PTBP3: variants seen among roughly 807,000 people sequenced by gnomAD.
The protein encoded by PTBP3 is polypyrimidine tract binding protein 3, also known as polypyrimidine tract-binding protein 3.
PTBP3 carries 20 observed loss-of-function variants against 58.7 expected under a neutral mutation model. That is an observed-to-expected ratio of 0.34 (90% CI 0.24 to 0.50). The LOEUF is 0.50. PTBP3 is among the 20% of genes least tolerant of loss of function. The pLI, the probability that PTBP3 is intolerant of heterozygous loss-of-function variation, is 0.98. For missense variants in PTBP3, 509 were observed against 637.2 expected, an observed-to-expected ratio of 0.80 and a Z score of 2.17; for synonymous variants, 185 against 219.8, an observed-to-expected ratio of 0.84 and a Z score of 1.40.
intron 7 of PTBP3, among the ~76,000 whole-genome samples, chr9:112,244,208 T>C (rs762241122): frequency 2.8e-5 from 4 of 140,372 alleles, no homozygotes; most frequent in Non-Finnish European, 6.0e-5. Context: ...GAGAATTGCT[T>C]GGACCTGGGA....
rs1045889308 is a variant in PTBP3 at position 112,252,845 on chromosome 9, C to G, written c.517-57G>C. On this transcript the variant is annotated intron_variant, in intron 5 of 13. Transcript: ENST00000374257. Reference sequence around the variant, plus strand: ...AAAGAAAAGTATTAAACTGATGTATCTTTATAAATACAACTTGTTCATAAA... The same window carrying G: ...AAAGAAAAGTATTAAACTGATGTATGTTTATAAATACAACTTGTTCATAAA... 5 of 971,644 alleles carry G rather than the reference C, an allele frequency of 5.1e-6. No individual in the cohort carries two copies. The African/African-American group carries it at 8.3e-5, about 16-fold the overall frequency. 60.2% of individuals were successfully genotyped at this position (971,644 alleles called of 1,614,324 possible).
In PTBP3 at chr9:112,250,975, A is replaced by T; in HGVS notation, c.756T>A (p.Thr252=). The change falls in exon 7 of 14, where the codon ACT becomes ACA. Residue 252 remains threonine (T), a synonymous_variant. Transcript: ENST00000374257. The stretch of plus-strand genomic sequence containing the variant: ...GTTCAAGGGATGGCTGGCCATCACC[A>T]GTAGGAAGGTCTAAGCGAGTGAAGT... ...SRDFTRLDLP[T]GDGQPSLEPP... 6.2e-7 allele frequency: 1 copy of T among 1,610,698 alleles called. No homozygotes were observed.
At chr9:112,242,068 A>G (rs1374288324) in intron 7 of PTBP3, among the ~76,000 whole-genome samples, 1 of 152,200 alleles carries the variant, frequency 6.6e-6, no homozygotes, top group Non-Finnish European at 1.5e-5. Context: ...ATTATAAATA[A>G]AACTGCTATG....
chr9:112,298,445 T>C (rs147751329), intron 1 of PTBP3: 2 of 377,484 alleles, frequency 5.3e-6, no homozygotes, highest in Admixed American at 7.1e-5. Context: ...TTACTCTTTT[T>C]TTCAGGTAAG....
chr9:112,372,883 T>G, the PTBP3 span, among the ~76,000 whole-genome samples: 1 of 152,012 alleles, frequency 6.6e-6, no homozygotes, highest in Non-Finnish European at 1.5e-5. Flanking sequence ...CGTACTTCCT[T>G]GAATTCATAG....
At chr9:112,304,650 T>G (rs1239695058) in intron 1 of PTBP3, among the ~76,000 whole-genome samples, 1 of 152,212 alleles carries the variant, frequency 6.6e-6, no homozygotes, top group African/African-American at 2.4e-5. Context: ...CACTGTAGCC[T>G]CAACCTTCCA....
At chr9:112,262,693 A>T in intron 4 of PTBP3, 94 bp from the exon 5 acceptor site, 1 of 1,143,680 alleles carries the variant, frequency 8.7e-7, no homozygotes, top group Non-Finnish European at 1.1e-6. Context: ...GAAGCAATGT[A>T]GTTAAGTAAA....
chr9:112,345,421 G>T, the PTBP3 span, among the ~76,000 whole-genome samples: 1 of 146,738 alleles, frequency 6.8e-6, no homozygotes, highest in East Asian at 2.0e-4. Context: ...TGTCACCCAG[G>T]CTGGAGTGCA....
the PTBP3 span, among the ~76,000 whole-genome samples, chr9:112,361,520 C>T: frequency 6.7e-6 from 1 of 149,262 alleles, no homozygotes; most frequent in African/African-American, 2.5e-5. Context: ...TTTAATGATT[C>T]AAAGCATTAT....
chr9:112,372,334 C>T, the PTBP3 span, among the ~76,000 whole-genome samples: 5 of 152,258 alleles, frequency 3.3e-5, no homozygotes, highest in South Asian at 1.0e-3. Context: ...CTGCCTTGGC[C>T]TCCTAAAGTG....
At chr9:112,328,445 A>C (rs1369507568) in intron 1 of PTBP3, among the ~76,000 whole-genome samples, 1 of 152,258 alleles carries the variant, frequency 6.6e-6, no homozygotes, top group Non-Finnish European at 1.5e-5. Flanking sequence ...ACCTTTGTTT[A>C]CAAAGTGCTT....
At chr9:112,288,327 T>C (rs1405145791) in intron 2 of PTBP3, among the ~76,000 whole-genome samples, 2 of 152,184 alleles carry the variant, frequency 1.3e-5, no homozygotes, top group East Asian at 3.9e-4. Flanking sequence ...CTCACAGGCA[T>C]ATGTACTGTG....
At chr9:112,378,174 A>C in the PTBP3 span, among the ~76,000 whole-genome samples, 1 of 152,204 alleles carries the variant, frequency 6.6e-6, no homozygotes, top group Non-Finnish European at 1.5e-5. Flanking sequence ...ATGGGGTAGA[A>C]GGTCATGGGT....
At chr9:112,312,060 G>C (rs773150745) in intron 1 of PTBP3, among the ~76,000 whole-genome samples, 13 of 152,140 alleles carry the variant, frequency 8.5e-5, no homozygotes, top group African/African-American at 1.2e-4. Flanking sequence ...TCACAGTAAT[G>C]AATGGGAAAT....
intron 1 of PTBP3, among the ~76,000 whole-genome samples, chr9:112,317,097 T>A (rs1829738333): frequency 6.6e-6 from 1 of 151,188 alleles, no homozygotes; most frequent in African/African-American, 2.4e-5. Flanking sequence ...CTGGGTAACA[T>A]GACAAAACCC....
At chr9:112,311,984 T>C in intron 1 of PTBP3, among the ~76,000 whole-genome samples, 1 of 151,178 alleles carries the variant, frequency 6.6e-6, no homozygotes, top group East Asian at 1.9e-4. Flanking sequence ...AAAAAAAGAG[T>C]CAATGTAATG....
the PTBP3 span, among the ~76,000 whole-genome samples, chr9:112,343,605 C>T: frequency 1.3e-5 from 2 of 151,834 alleles, no homozygotes; most frequent in Non-Finnish European, 2.9e-5. Context: ...GCCTGGCCAA[C>T]ATGGTGAAAC....
intron 1 of PTBP3, among the ~76,000 whole-genome samples, chr9:112,300,949 AC>A (rs1221648385): frequency 2.7e-5 from 4 of 150,894 alleles, no homozygotes; most frequent in Non-Finnish European, 5.9e-5. Context: ...AAAAATAAAA[AC>A]AAAAAAAATG....
At chr9:112,363,476 C>T in the PTBP3 span, among the ~76,000 whole-genome samples, 2 of 151,618 alleles carry the variant, frequency 1.3e-5, no homozygotes, top group African/African-American at 4.9e-5. Flanking sequence ...CCAAGATCCA[C>T]ACACCAATGC....
Sources: allele counts gnomAD v4.1 joint callset (sites outside exome capture counted in the v4.1 genomes callset), GRCh38; gene constraint gnomAD v4.1.1; transcripts MANE v1.5; gene names NCBI Gene and HGNC (gene_info 2026-07-23, HGNC 2026-07-21).